Variants in ADAMTS17 observed in about 807,000 individuals in gnomAD.
ADAMTS17 encodes A disintegrin and metalloproteinase with thrombospondin motifs 17.
ADAMTS17 carries 113 observed loss-of-function variants against 141.5 expected under a neutral mutation model. The observed-to-expected ratio is 0.80, with a 90% CI of 0.69 to 0.93. The LOEUF (loss-of-function observed/expected upper bound fraction) is 0.93, where lower values mean the gene tolerates loss of function less well. ADAMTS17 is among the 40% of genes least tolerant of loss of function. ADAMTS17 has a pLI of 0.00. For missense variants in ADAMTS17, 1,659 were observed against 1,517.9 expected (o/e 1.09, Z -1.54); for synonymous variants, 768 against 630.6 (o/e 1.22, Z -3.27).
At chr15:100,224,601 T>C (rs2042240263) in intron 7 of ADAMTS17, among the ~76,000 whole-genome samples, 1 of 152,236 alleles carries the variant, frequency 6.6e-6, no homozygotes, top group Non-Finnish European at 1.5e-5. Flanking sequence ...AAGGTCCTCG[T>C]TCTTCACCCC....
At chr15:100,215,895 C>A (rs1287736640) in intron 7 of ADAMTS17, among the ~76,000 whole-genome samples, 1 of 152,042 alleles carries the variant, frequency 6.6e-6, no homozygotes, top group African/African-American at 2.4e-5. Flanking sequence ...CTGACTCTCC[C>A]CAGGAGAACC....
chr15:100,099,251 A>G (rs537416793), intron 14 of ADAMTS17, among the ~76,000 whole-genome samples: 2 of 152,292 alleles, frequency 1.3e-5, no homozygotes, highest in East Asian at 3.9e-4. Flanking sequence ...ATCTGGAGAC[A>G]GGGAATGCAG....
At chr15:100,034,592 A>G (rs1419850513) in intron 18 of ADAMTS17, among the ~76,000 whole-genome samples, 1 of 152,224 alleles carries the variant, frequency 6.6e-6, no homozygotes, top group Non-Finnish European at 1.5e-5. Flanking sequence ...CATTGTTTCT[A>G]TCAGAACTGG....
intron 4 of ADAMTS17, among the ~76,000 whole-genome samples, chr15:100,274,735 A>G (rs2044022945): frequency 6.6e-6 from 1 of 152,182 alleles, no homozygotes. Context: ...GGCTTGTAAT[A>G]GCTTTGGTTC....
intron 4 of ADAMTS17, 35 bp downstream of exon 4, chr15:100,281,194 A>G: frequency 6.3e-7 from 1 of 1,599,598 alleles, no homozygotes. Context: ...GAGAAAACAG[A>G]GCCCCCCACA....
intron 15 of ADAMTS17, among the ~76,000 whole-genome samples, chr15:100,067,277 A>G (rs2033608554): frequency 6.7e-6 from 1 of 149,470 alleles, no homozygotes; most frequent in Non-Finnish European, 1.5e-5. Context: ...TGTCTCAGCA[A>G]TATTCCTTCA....
chr15:100,053,815 G>A (rs2141599657), intron 16 of ADAMTS17, 82 bp downstream of exon 16: 1 of 1,608,380 alleles, frequency 6.2e-7, no homozygotes, highest in Non-Finnish European at 8.5e-7. Flanking sequence ...CGAGGTCCCA[G>A]GCAGAAGTAA....
In ADAMTS17 at chr15:100,241,941, A is replaced by T. The variant is rs540504932; in HGVS notation, c.1075+12195T>A. 4.6e-5 allele frequency among the ~76,000 whole-genome samples: 7 copies of T among 152,314 alleles called. No homozygotes were observed. The East Asian group carries it at 1.4e-3, about 29-fold the overall frequency. ...GATTCGGTCTCTGGTAGAGCAGCCC[A>T]AAAGATCGCCCTGACATAACCTTCC... On this transcript the variant is annotated intron_variant, in intron 7 of 21. Transcript: ENST00000268070.
At chr15:100,307,900 C>T (rs889280353) in intron 3 of ADAMTS17, among the ~76,000 whole-genome samples, 2 of 152,158 alleles carry the variant, frequency 1.3e-5, no homozygotes, top group Non-Finnish European at 2.9e-5. Flanking sequence ...AGAAAGAGTC[C>T]AATCATCACA....
intron 7 of ADAMTS17, among the ~76,000 whole-genome samples, chr15:100,224,850 C>T (rs1206690238): frequency 2.0e-5 from 3 of 152,220 alleles, no homozygotes; most frequent in African/African-American, 7.2e-5. Context: ...AACAGGGCCA[C>T]CCACAGGTTT....
chr15:100,002,447 G>A (rs1389848492), intron 18 of ADAMTS17, among the ~76,000 whole-genome samples: 3 of 151,964 alleles, frequency 2.0e-5, no homozygotes, highest in Non-Finnish European at 4.4e-5. Flanking sequence ...GTGCTCTAGT[G>A]GACGTGAGCA....
intron 6 of ADAMTS17, among the ~76,000 whole-genome samples, chr15:100,257,696 T>A (rs2043373251): frequency 6.6e-6 from 1 of 152,210 alleles, no homozygotes; most frequent in Non-Finnish European, 1.5e-5. Context: ...GCAATTAGGA[T>A]CCCTCTCCTA....
In ADAMTS17 at chr15:100,301,323, T is replaced by TTATATATATA. The variant is rs140913683; in HGVS notation, c.617-19932_617-19923dup. ...TTCTCTCTCTACTGTTCTATGTGAGTTATATATATATATATATTTTTCTGA... is the reference window on the plus strand; with the variant it reads ...TTCTCTCTCTACTGTTCTATGTGAGTTATATATATATATATATATATATATATTTTTCTGA... On this transcript the variant is annotated intron_variant, in intron 3 of 21. Transcript: ENST00000268070. 5.1e-3 allele frequency among the ~76,000 whole-genome samples: 744 copies of TTATATATATA among 145,912 alleles called. 11 individuals carry two copies. The East Asian group carries it at 0.066, about 13-fold the overall frequency.
intron 18 of ADAMTS17, among the ~76,000 whole-genome samples, chr15:100,035,566 T>C (rs1210895897): frequency 6.6e-6 from 1 of 152,108 alleles, no homozygotes; most frequent in African/African-American, 2.4e-5. Flanking sequence ...AGGATGGCAC[T>C]TTTTTCAGGG....
At chr15:100,265,990 A>C (rs548936738) in intron 4 of ADAMTS17, among the ~76,000 whole-genome samples, 196 of 152,274 alleles carry the variant, frequency 1.3e-3, no homozygotes, top group African/African-American at 4.5e-3. Context: ...GTGCTCTAGC[A>C]CTATGCTAGT....
In ADAMTS17 at chr15:100,341,337, G is replaced by C. The variant is rs1459533269; in HGVS notation, c.152C>G (p.Pro51Arg). The stretch of plus-strand genomic sequence containing the variant: ...GGGCCCGGGGGCTGCGGGCAGCGGC[G>C]GCAGGTGCACGTCGTCGGGGCGCAC... ...WRVRPDDVHLPPLPAAPGPRR... is the reference protein window; with the variant it reads ...WRVRPDDVHLRPLPAAPGPRR... Residue 51 changes from proline to arginine, a missense_variant, in exon 2 of 22, where the codon CCG becomes CGG. By Grantham distance (103) the Pro-to-Arg change is moderately radical. Coordinates refer to ENST00000268070, the MANE Select transcript of ADAMTS17 (RefSeq NM_139057.4). 9.8e-7 allele frequency: 1 copy of C among 1,022,778 alleles called. No homozygotes were observed. Among genetic ancestry groups the C allele is most frequent in the African/African-American group, 1.7e-5 (1 of 57,632 alleles). 63.4% of individuals were successfully genotyped at this position (1,022,778 alleles called of 1,614,324 possible).
At chr15:100,328,433 T>C (rs2045955678) in intron 3 of ADAMTS17, among the ~76,000 whole-genome samples, 1 of 152,218 alleles carries the variant, frequency 6.6e-6, no homozygotes, top group Non-Finnish European at 1.5e-5. Flanking sequence ...TGTGTCTGTG[T>C]TCCTGACTAG....
At chr15:100,049,059 T>C (rs2141578104) in intron 17 of ADAMTS17, 67 bp from the exon 18 acceptor site, 1 of 1,612,448 alleles carries the variant, frequency 6.2e-7, no homozygotes, top group East Asian at 2.2e-5. Flanking sequence ...TGGGCTTGCA[T>C]GCCCATGAAA....
At chr15:100,130,583 T>G (rs1397618425) in intron 12 of ADAMTS17, among the ~76,000 whole-genome samples, 1 of 152,158 alleles carries the variant, frequency 6.6e-6, no homozygotes, top group Non-Finnish European at 1.5e-5. Flanking sequence ...TGGAGTCACC[T>G]GGGAAGATAA....
Sources: allele counts gnomAD v4.1 joint callset (sites outside exome capture counted in the v4.1 genomes callset), GRCh38; gene constraint gnomAD v4.1.1; transcripts MANE v1.5; gene names NCBI Gene and HGNC (gene_info 2026-07-23, HGNC 2026-07-21).